Variants in JAKMIP2 observed in about 807,000 individuals in gnomAD.
JAKMIP2 encodes the protein janus kinase and microtubule-interacting protein 2.
Under a neutral mutation model 115.0 loss-of-function variants are expected in JAKMIP2, and 25 were observed. The ratio of observed to expected loss-of-function variants is 0.22; its 90% CI spans 0.16 to 0.30. The LOEUF (loss-of-function observed/expected upper bound fraction) is 0.30, where lower values mean the gene tolerates loss of function less well. JAKMIP2 is among the 10% of genes least tolerant of loss of function. JAKMIP2 has a pLI of 1.00. For synonymous variants in JAKMIP2, 334 were observed against 343.6 expected, an observed-to-expected ratio of 0.97 and a Z score of 0.31; for missense variants, 642 against 957.6, an observed-to-expected ratio of 0.67 and a Z score of 4.35.
intron 1 of JAKMIP2, among the ~76,000 whole-genome samples, chr5:147,718,725 G>A (rs1232708112): frequency 6.6e-6 from 1 of 152,118 alleles, no homozygotes; most frequent in Admixed American, 6.5e-5. Flanking sequence ...GCGTCTATTA[G>A]ATTCTTCTCT....
Position 147,667,256 on chromosome 5 carries a change from A to AC in JAKMIP2, c.129+4421_129+4422insG, listed in dbSNP as rs1759349934. Among the ~76,000 whole-genome samples, 4 of 152,234 alleles carry AC rather than the reference A, an allele frequency of 2.6e-5. No homozygotes were observed. In the South Asian group the frequency reaches 8.3e-4, roughly 32 times the overall value. On this transcript the variant is annotated intron_variant, in intron 2 of 21. Transcript: ENST00000616793. ...AAATCCTTTCTACCCTAGAGGTTCT[A>AC]TGGGAAAAAAGATCATTAGAAAAGT...
At chr5:147,763,963 G>C (rs1224560537) in intron 1 of JAKMIP2, among the ~76,000 whole-genome samples, 1 of 152,122 alleles carries the variant, frequency 6.6e-6, no homozygotes, top group African/African-American at 2.4e-5. Flanking sequence ...GGATCACCCA[G>C]CCAGACACCA....
intron 1 of JAKMIP2, among the ~76,000 whole-genome samples, chr5:147,777,641 A>T (rs1213002684): frequency 6.6e-6 from 1 of 152,210 alleles, no homozygotes; most frequent in East Asian, 1.9e-4. Context: ...AAAAAACTTT[A>T]AGCAACAAAA....
At chr5:147,655,126 C>T (rs1229868608) in intron 3 of JAKMIP2, among the ~76,000 whole-genome samples, 2 of 152,090 alleles carry the variant, frequency 1.3e-5, no homozygotes, top group South Asian at 2.1e-4. Context: ...TGAGAATTTT[C>T]ACATCGATGT....
At chr5:147,701,808 G>A (rs1277125315) in intron 1 of JAKMIP2, among the ~76,000 whole-genome samples, 1 of 152,136 alleles carries the variant, frequency 6.6e-6, no homozygotes, top group African/African-American at 2.4e-5. Flanking sequence ...AAATGTGCTG[G>A]TGCCTTGATC....
chr5:147,620,115 G>C (rs1433743852), intron 18 of JAKMIP2, among the ~76,000 whole-genome samples: 1 of 151,882 alleles, frequency 6.6e-6, no homozygotes, highest in African/African-American at 2.4e-5. Context: ...TTTGTTTTGA[G>C]ACAGGATCTT....
chr5:147,607,834 T>C (rs1405098157), intron 20 of JAKMIP2, among the ~76,000 whole-genome samples: 1 of 152,220 alleles, frequency 6.6e-6, no homozygotes, highest in Non-Finnish European at 1.5e-5. Context: ...GGCAATTAAT[T>C]ACTGCCTCTA....
Position 147,639,623 on chromosome 5 carries a change from C to T in JAKMIP2, c.1530+9G>A. The T allele has an allele frequency of 6.2e-7, 1 of 1,610,224 alleles. No individual in the cohort carries two copies. Among genetic ancestry groups the T allele is most frequent in the Non-Finnish European group, 8.5e-7 (1 of 1,178,564 alleles). ...CTAATTCAGAGCACTCTCACAGATACACACTAACCTTGGCTTCTCGTTCAG... is the reference window on the plus strand; with the variant it reads ...CTAATTCAGAGCACTCTCACAGATATACACTAACCTTGGCTTCTCGTTCAG... On this transcript the variant is annotated intron_variant, in intron 10 of 21. Transcript: ENST00000616793.
At chr5:147,708,877 G>A (rs1229070762) in intron 1 of JAKMIP2, among the ~76,000 whole-genome samples, 2 of 152,168 alleles carry the variant, frequency 1.3e-5, no homozygotes, top group South Asian at 2.1e-4. Context: ...CCTCCTGGGT[G>A]TGAACGCAGG....
At chr5:147,701,352 A>G (rs1383092914) in intron 1 of JAKMIP2, among the ~76,000 whole-genome samples, 1 of 152,194 alleles carries the variant, frequency 6.6e-6, no homozygotes, top group East Asian at 1.9e-4. Context: ...TAAGATGAAA[A>G]GCAGCCTCTA....
chr5:147,668,959 T>A (rs1038372596), intron 2 of JAKMIP2, among the ~76,000 whole-genome samples: 1 of 152,170 alleles, frequency 6.6e-6, no homozygotes, highest in Admixed American at 6.5e-5. Context: ...ACACAATGGC[T>A]GTTCTGTAAA....
chr5:147,724,370 T>C (rs1393569056), intron 1 of JAKMIP2, among the ~76,000 whole-genome samples: 1 of 152,194 alleles, frequency 6.6e-6, no homozygotes, highest in Non-Finnish European at 1.5e-5. Flanking sequence ...TGCAGCTTGA[T>C]AGAATATGGC....
At chr5:147,670,412 T>G (rs975441166) in intron 2 of JAKMIP2, among the ~76,000 whole-genome samples, 4 of 152,204 alleles carry the variant, frequency 2.6e-5, no homozygotes, top group African/African-American at 9.7e-5. Context: ...TATGCTGTCA[T>G]GGTGGTCTCT....
At chr5:147,641,109 G>A (rs554663222) in intron 8 of JAKMIP2, among the ~76,000 whole-genome samples, 1 of 152,220 alleles carries the variant, frequency 6.6e-6, no homozygotes, top group African/African-American at 2.4e-5. Flanking sequence ...AGCTAGTGTG[G>A]TTTACTCTTT....
intron 1 of JAKMIP2, among the ~76,000 whole-genome samples, chr5:147,720,289 CT>C (rs1753213065): frequency 6.6e-6 from 1 of 151,506 alleles, no homozygotes; most frequent in Non-Finnish European, 1.5e-5. Context: ...ACATTTTTTC[CT>C]TCATTTCAAC....
chr5:147,764,317 A>T (rs1755033088), intron 1 of JAKMIP2, among the ~76,000 whole-genome samples: 1 of 150,788 alleles, frequency 6.6e-6, no homozygotes, highest in African/African-American at 2.5e-5. Context: ...TTATGCACTG[A>T]ACAGTACCAT....
In JAKMIP2 at chr5:147,640,830, G is replaced by A. The variant is rs1757846668; in HGVS notation, c.1282-7C>T. On this transcript the variant is annotated splice_region_variant and splice_polypyrimidine_tract_variant and intron_variant, in intron 8 of 21. Transcript: ENST00000616793. Reference sequence around the variant, plus strand: ...ACGGGTCCAAAACAGGCCTCTAAATGGAGGGAAAGTACCTATTTACTGACA... The same window carrying A: ...ACGGGTCCAAAACAGGCCTCTAAATAGAGGGAAAGTACCTATTTACTGACA... 2.5e-6 allele frequency: 4 copies of A among 1,609,688 alleles called. No individual in the cohort carries two copies. The Admixed American group carries it at 6.7e-5, about 27-fold the overall frequency.
In JAKMIP2 at chr5:147,641,418, A is replaced by T. The variant is rs528126035; in HGVS notation, c.1281+290T>A. Among the ~76,000 whole-genome samples the T allele has an allele frequency of 2.0e-5, 3 of 152,284 alleles. No homozygotes were observed. The East Asian group carries it at 5.8e-4, about 29-fold the overall frequency. The stretch of plus-strand genomic sequence containing the variant: ...AAATCATGTGCATTTCTTGAATATG[A>T]CTCTCCAACTTGTCAGGTAATCCTT... On this transcript the variant is annotated intron_variant, in intron 8 of 21. Transcript: ENST00000616793.
chr5:147,702,596 GAAAGAAGGAAAGAAAGAAA>G (rs1752389354), intron 1 of JAKMIP2, among the ~76,000 whole-genome samples: 2 of 108,042 alleles, frequency 1.9e-5, no homozygotes, highest in African/African-American at 7.6e-5. Context: ...AAGAAAGAAA[GAAAGAAGGAAAGAAAGAAA>G]GAAAGAAAGA....
Sources: gnomAD v4.1 joint callset for allele counts (sites outside exome capture counted in the v4.1 genomes callset) on GRCh38, gnomAD v4.1.1 for gene constraint, MANE v1.5 for transcripts, NCBI Gene and HGNC (gene_info 2026-07-23, HGNC 2026-07-21) for gene names.